TTC39C: variants seen among roughly 807,000 people sequenced by gnomAD.
TTC39C encodes tetratricopeptide repeat protein 39C.
TTC39C carries 33 observed loss-of-function variants against 76.3 expected under a neutral mutation model. That is an observed-to-expected ratio of 0.43 (90% CI 0.33 to 0.58). The LOEUF is 0.58. Ranked by LOEUF, TTC39C falls within the 20% of genes least tolerant of loss-of-function variation. TTC39C has a pLI of 0.04. For missense variants in TTC39C, 595 were observed against 701.4 expected (o/e 0.85, Z 1.71); for synonymous variants, 254 against 260.6 (o/e 0.97, Z 0.24).
intron 10 of TTC39C, among the ~76,000 whole-genome samples, chr18:24,128,168 A>C (rs2085074200): frequency 6.6e-6 from 1 of 152,202 alleles, no homozygotes; most frequent in Non-Finnish European, 1.5e-5. Flanking sequence ...CTCAATAAAT[A>C]TTGAATGAAT....
intron 1 of TTC39C, among the ~76,000 whole-genome samples, chr18:24,044,357 C>G (rs993047037): frequency 6.6e-6 from 1 of 152,132 alleles, no homozygotes; most frequent in Admixed American, 6.6e-5. Context: ...GCCATGCTAG[C>G]GAAGGCCAGG....
chr18:24,079,741 C>T (rs1025809144), intron 4 of TTC39C, among the ~76,000 whole-genome samples: 1 of 147,872 alleles, frequency 6.8e-6, no homozygotes, highest in African/African-American at 2.6e-5. Flanking sequence ...TCTTTTTTGC[C>T]TGCTTATTTT....
At chr18:24,057,307 T>C (rs1441611716) in intron 1 of TTC39C, among the ~76,000 whole-genome samples, 2 of 152,252 alleles carry the variant, frequency 1.3e-5, no homozygotes, top group African/African-American at 4.8e-5. Context: ...TCATCAGTGA[T>C]CATTTATCTG....
chr18:24,023,933 C>T (rs1210342349), intron 1 of TTC39C, among the ~76,000 whole-genome samples: 1 of 55,308 alleles, frequency 1.8e-5, no homozygotes, highest in East Asian at 8.0e-4. Flanking sequence ...AATAAAATTA[C>T]ATATATATAT....
At chr18:24,013,264 C>T (rs917369510), upstream of TTC39C, among the ~76,000 whole-genome samples, 3 of 152,126 alleles carry the variant, frequency 2.0e-5, no homozygotes, top group Admixed American at 6.5e-5. Flanking sequence ...GTCAGTGTTC[C>T]AGTTTGTGGT....
chr18:24,043,330 C>G (rs1455245811), intron 1 of TTC39C, among the ~76,000 whole-genome samples: 4 of 151,992 alleles, frequency 2.6e-5, no homozygotes, highest in Non-Finnish European at 1.5e-5. Flanking sequence ...CCACTGCACT[C>G]CAGCCTTGGT....
chr18:24,021,355 T>C (rs1479691154), intron 1 of TTC39C, among the ~76,000 whole-genome samples: 1 of 152,062 alleles, frequency 6.6e-6, no homozygotes, highest in East Asian at 1.9e-4. Flanking sequence ...GTGGGTCCGT[T>C]TGGGGGTTGA....
At chr18:24,122,500 C>CAAAAAAAAAA (rs36002596) in intron 8 of TTC39C, among the ~76,000 whole-genome samples, 789 of 50,170 alleles carry the variant, frequency 0.016, 91 homozygotes, top group Middle Eastern at 0.05. Flanking sequence ...GACTCCATCT[C>CAAAAAAAAAA]AAAAAAAAAA....
At chr18:24,122,009 A>G (rs1316014305) in intron 8 of TTC39C, among the ~76,000 whole-genome samples, 1 of 152,120 alleles carries the variant, frequency 6.6e-6, no homozygotes, top group Admixed American at 6.6e-5. Flanking sequence ...CTTCCTTTGA[A>G]TATTCAGCCT....
chr18:24,132,389 A>C lies in TTC39C; in HGVS notation c.1663-96A>C. On this transcript the variant is annotated intron_variant, in intron 13 of 13. Transcript: ENST00000317571. Reference sequence around the variant, plus strand: ...CCTTTACTGGGAGTGTAGAGATTTTACTTTGGGAAATGCAAAATTGAGTGT... The same window carrying C: ...CCTTTACTGGGAGTGTAGAGATTTTCCTTTGGGAAATGCAAAATTGAGTGT... 3 of 970,214 alleles carry C rather than the reference A, an allele frequency of 3.1e-6. No individual in the cohort carries two copies. In the South Asian group the frequency reaches 5.4e-5, roughly 17 times the overall value. 60.1% of individuals were successfully genotyped at this position (970,214 alleles called of 1,614,324 possible).
At chr18:24,027,101 G>C (rs1474230783) in intron 1 of TTC39C, among the ~76,000 whole-genome samples, 1 of 152,092 alleles carries the variant, frequency 6.6e-6, no homozygotes, top group Non-Finnish European at 1.5e-5. Context: ...AGACCAGCCT[G>C]GCCAACATGG....
intron 1 of TTC39C, among the ~76,000 whole-genome samples, chr18:24,063,514 CTTT>C (rs541055847): frequency 1.5e-5 from 2 of 135,982 alleles, no homozygotes; most frequent in Non-Finnish European, 1.6e-5. Flanking sequence ...TTGTTTCTAC[CTTT>C]TTTTTTTTTT....
intron 1 of TTC39C, among the ~76,000 whole-genome samples, chr18:24,029,636 G>GT (rs2145673081): frequency 6.6e-6 from 1 of 152,240 alleles, no homozygotes. Context: ...CTTAATGTGT[G>GT]GTCTTTTATC....
intron 6 of TTC39C, 102 bp downstream of exon 6, chr18:24,083,183 C>A: frequency 2.5e-6 from 3 of 1,203,184 alleles, no homozygotes; most frequent in Non-Finnish European, 3.4e-6. Context: ...TGTCCCAGGG[C>A]CCCGGAGCAT....
chr18:24,127,151 T>A (rs1055434078), intron 10 of TTC39C, among the ~76,000 whole-genome samples: 5 of 152,200 alleles, frequency 3.3e-5, no homozygotes, highest in African/African-American at 9.6e-5. Context: ...GAGATAATTC[T>A]CTAATATCTT....
chr18:24,020,390 CTG>C, intron 1 of TTC39C: 2 of 807,410 alleles, frequency 2.5e-6, no homozygotes, highest in Non-Finnish European at 3.0e-6. Flanking sequence ...GTGTAAGTCT[CTG>C]TAAGTGTGTA....
At chr18:24,119,388 A>G (rs2084937675) in intron 8 of TTC39C, among the ~76,000 whole-genome samples, 1 of 152,164 alleles carries the variant, frequency 6.6e-6, no homozygotes, top group African/African-American at 2.4e-5. Context: ...TCCAAACATT[A>G]TTTTCAATAC....
chr18:24,042,161 T>A (rs1378106192), intron 1 of TTC39C, among the ~76,000 whole-genome samples: 3 of 152,232 alleles, frequency 2.0e-5, no homozygotes, highest in Admixed American at 1.3e-4. Flanking sequence ...TTTTGTTATA[T>A]AAATATATGA....
At chr18:24,099,082 A>G (rs1291356802) in intron 6 of TTC39C, 3 of 140,376 alleles carry the variant, frequency 2.1e-5, no homozygotes, top group Non-Finnish European at 4.6e-5. Context: ...ATATACATAT[A>G]TATAACATAT....
Sources: gnomAD v4.1 joint callset for allele counts (sites outside exome capture counted in the v4.1 genomes callset) on GRCh38, gnomAD v4.1.1 for gene constraint, MANE v1.5 for transcripts, NCBI Gene and HGNC (gene_info 2026-07-23, HGNC 2026-07-21) for gene names.